Variants in PTK2 observed in about 807,000 individuals in gnomAD.
PTK2 encodes protein tyrosine kinase 2.
Under a neutral mutation model 150.1 loss-of-function variants are expected in PTK2, and 45 were observed. That is an observed-to-expected ratio of 0.30 (90% CI 0.24 to 0.38). The LOEUF (loss-of-function observed/expected upper bound fraction) is 0.38, where lower values mean the gene tolerates loss of function less well. PTK2 is among the 10% of genes least tolerant of loss of function. The pLI, the probability that PTK2 is intolerant of heterozygous loss-of-function variation, is 1.00. For synonymous variants in PTK2, 432 were observed against 449.2 expected, an observed-to-expected ratio of 0.96 and a Z score of 0.48; for missense variants, 919 against 1,307.3, an observed-to-expected ratio of 0.70 and a Z score of 4.58.
At chr8:140,716,075 T>G (rs1164903025) in intron 23 of PTK2, among the ~76,000 whole-genome samples, 3 of 152,220 alleles carry the variant, frequency 2.0e-5, no homozygotes, top group Admixed American at 2.0e-4. Context: ...GTACAGTGAA[T>G]TATCTTCTTA....
At chr8:140,967,246 A>G (rs1224261954) in intron 1 of PTK2, among the ~76,000 whole-genome samples, 1 of 152,224 alleles carries the variant, frequency 6.6e-6, no homozygotes, top group Non-Finnish European at 1.5e-5. Context: ...ACCACGTAAT[A>G]TTGTTAAAAC....
chr8:140,688,009 G>T (rs2100020988), intron 26 of PTK2, among the ~76,000 whole-genome samples: 2 of 152,180 alleles, frequency 1.3e-5, no homozygotes, highest in Non-Finnish European at 2.9e-5. Context: ...CTAAAAGGGG[G>T]CTCTGGCTGA....
intron 5 of PTK2, among the ~76,000 whole-genome samples, chr8:140,848,757 A>G (rs771176552): frequency 6.6e-5 from 10 of 152,148 alleles, no homozygotes; most frequent in Non-Finnish European, 1.3e-4. Context: ...CACAAAAATA[A>G]AGGCGCAAGA....
At chr8:140,692,967 CA>C (rs1284086808) in intron 26 of PTK2, among the ~76,000 whole-genome samples, 1 of 152,018 alleles carries the variant, frequency 6.6e-6, no homozygotes, top group African/African-American at 2.4e-5. Context: ...TCTCAAAACA[CA>C]AAGTAGGCTT....
chr8:140,852,393 C>T (rs879272986), intron 5 of PTK2, among the ~76,000 whole-genome samples: 5 of 152,164 alleles, frequency 3.3e-5, no homozygotes, highest in Non-Finnish European at 5.9e-5. Flanking sequence ...ATGATGATTA[C>T]ATACATTTGC....
At chr8:140,931,928 CAAAAA>C (rs765792463) in intron 1 of PTK2, among the ~76,000 whole-genome samples, 690 of 54,564 alleles carry the variant, frequency 0.013, 3 homozygotes, top group African/African-American at 0.034. Flanking sequence ...GACCCAGTCT[CAAAAA>C]AAAAAAAAAA....
chr8:140,672,913 C>A (rs1337977487), intron 29 of PTK2, among the ~76,000 whole-genome samples: 1 of 152,124 alleles, frequency 6.6e-6, no homozygotes, highest in Non-Finnish European at 1.5e-5. Flanking sequence ...GAGCCTTGGT[C>A]AACTGAGAAA....
chr8:140,941,173 G>C (rs974886993), intron 1 of PTK2, among the ~76,000 whole-genome samples: 2 of 152,152 alleles, frequency 1.3e-5, no homozygotes, highest in African/African-American at 4.8e-5. Flanking sequence ...ACACTTTTAA[G>C]CCTTCAAAAC....
chr8:140,905,369 T>C (rs1179546083), intron 2 of PTK2, among the ~76,000 whole-genome samples: 7 of 148,952 alleles, frequency 4.7e-5, no homozygotes, highest in Non-Finnish European at 3.0e-5. Context: ...AAAGCAGAGG[T>C]TGCAATCCTA....
At chr8:140,886,135 G>C (rs551607622) in intron 3 of PTK2, among the ~76,000 whole-genome samples, 10 of 152,190 alleles carry the variant, frequency 6.6e-5, no homozygotes, top group Admixed American at 2.0e-4. Flanking sequence ...TAATGTATTC[G>C]ATATGGCTTG....
chr8:140,798,136 T>C (rs377753470), intron 12 of PTK2, among the ~76,000 whole-genome samples: 2 of 152,186 alleles, frequency 1.3e-5, no homozygotes, highest in African/African-American at 2.4e-5. Context: ...GATGGGCATA[T>C]ATAATTATTA....
intron 1 of PTK2, among the ~76,000 whole-genome samples, chr8:140,970,825 T>C (rs1240665928): frequency 6.6e-6 from 1 of 151,992 alleles, no homozygotes; most frequent in Admixed American, 6.6e-5. Context: ...CTTATGTGGA[T>C]AACTTAACCA....
chr8:140,990,232 A>ATTTTTTT (rs11312570), intron 1 of PTK2, among the ~76,000 whole-genome samples: 1 of 146,808 alleles, frequency 6.8e-6, no homozygotes, highest in African/African-American at 2.5e-5. Context: ...TCCTTGACCA[A>ATTTTTTT]TTTTTTTTTT....
intron 1 of PTK2, among the ~76,000 whole-genome samples, chr8:140,958,537 A>C (rs1032071074): frequency 6.6e-6 from 1 of 152,184 alleles, no homozygotes. Flanking sequence ...AGAGATAATA[A>C]GATGTTATCC....
chr8:140,766,872 C>G (rs1221616606), intron 14 of PTK2, among the ~76,000 whole-genome samples: 1 of 152,210 alleles, frequency 6.6e-6, no homozygotes, highest in Non-Finnish European at 1.5e-5. Flanking sequence ...AAAATAACAT[C>G]ATCTGCCTTG....
At chr8:140,803,771 G>C in intron 10 of PTK2, 121 bp from the exon 11 acceptor site, 2 of 895,710 alleles carry the variant, frequency 2.2e-6, no homozygotes, top group Non-Finnish European at 3.5e-6. Flanking sequence ...TGGAGGTCTG[G>C]GGAAAAAAAC....
intron 1 of PTK2, among the ~76,000 whole-genome samples, chr8:140,958,734 A>C (rs1173665803): frequency 6.6e-6 from 1 of 152,234 alleles, no homozygotes; most frequent in Non-Finnish European, 1.5e-5. Context: ...TGCACATTAA[A>C]ATGTATTTGA....
chr8:140,788,510 C>G (rs1324261001), intron 14 of PTK2, among the ~76,000 whole-genome samples: 1 of 152,090 alleles, frequency 6.6e-6, no homozygotes, highest in East Asian at 1.9e-4. Context: ...ATGGCAAAAC[C>G]CTGTCTCTAT....
intron 10 of PTK2, among the ~76,000 whole-genome samples, chr8:140,804,688 C>T (rs2100097302): frequency 1.3e-5 from 2 of 152,228 alleles, no homozygotes; most frequent in Non-Finnish European, 2.9e-5. Flanking sequence ...CTTCCCATTG[C>T]ATGGCGAACA....
Sources: allele counts gnomAD v4.1 joint callset (sites outside exome capture counted in the v4.1 genomes callset), GRCh38; gene constraint gnomAD v4.1.1; transcripts MANE v1.5; gene names NCBI Gene and HGNC (gene_info 2026-07-23, HGNC 2026-07-21).